MRPL43: variants seen among roughly 807,000 people sequenced by gnomAD.
MRPL43 encodes mitochondrial ribosomal protein L43, also known as large ribosomal subunit protein mL43.
MRPL43 carries 9 observed loss-of-function variants against 12.7 expected under a neutral mutation model. The observed-to-expected ratio is 0.71, with a 90% CI of 0.43 to 1.24. MRPL43 has a LOEUF of 1.24. Among genes scored for constraint, MRPL43 ranks in the 50% most tolerant of loss-of-function variants. MRPL43 has a pLI of 0.00. For synonymous variants in MRPL43, 116 were observed against 96.4 expected, an observed-to-expected ratio of 1.20 and a Z score of -1.19; for missense variants, 211 against 229.2, an observed-to-expected ratio of 0.92 and a Z score of 0.51.
downstream of MRPL43, chr10:100,980,795 C>A (rs111542775): frequency 1.2e-4 from 188 of 1,548,804 alleles, 3 homozygotes; most frequent in African/African-American, 2.1e-3. Context: ...GGGACGCTGC[C>A]GACCAACTGT....
chr10:100,980,772 A>G (rs745803670), downstream of MRPL43: 12 of 1,601,816 alleles, frequency 7.5e-6, no homozygotes, highest in Non-Finnish European at 1.0e-5. Flanking sequence ...GAGGCTGTGT[A>G]TCTGTATGAG....
chr10:100,978,152 T>C, downstream of MRPL43: 1 of 625,312 alleles, frequency 1.6e-6, no homozygotes, highest in Admixed American at 2.8e-5. Flanking sequence ...CAGGGGATGC[T>C]TAAGTTATTG....
chr10:100,979,329 GAGGTCAATGAGGATGAGAT>G, downstream of MRPL43: 1 of 1,614,038 alleles, frequency 6.2e-7, no homozygotes, highest in Non-Finnish European at 8.5e-7. Context: ...GGCTGGAGCA[GAGGTCAATGAGGATGAGAT>G]AGGATCCACT....
At position 100,987,379 on chromosome 10, in the gene MRPL43, T is replaced by A. The variant is rs746876188; in HGVS notation, c.65A>T (p.Tyr22Phe). The change falls in exon 1 of 3, where the codon TAT becomes TTT. Residue 22 changes from tyrosine (Y) to phenylalanine (F), a missense_variant. Tyr to Phe is a conservative substitution (Grantham distance 22, BLOSUM62 3). Coordinates refer to ENST00000318364, the MANE Select transcript of MRPL43 (RefSeq NM_032112.3). Reference sequence around the variant, plus strand: ...GCTCAGACGCTGCAGCTGCTGCACATAGCGACCCAGTCCGTTGTGGAGAAC... The same window carrying A: ...GCTCAGACGCTGCAGCTGCTGCACAAAGCGACCCAGTCCGTTGTGGAGAAC... ...ASVLHNGLGRYVQQLQRLSFS... is the reference protein window; with the variant it reads ...ASVLHNGLGRFVQQLQRLSFS... 6 of 1,612,576 alleles carry A rather than the reference T, an allele frequency of 3.7e-6. No homozygotes were observed. Among genetic ancestry groups the A allele is most frequent in the Non-Finnish European group, 5.1e-6 (6 of 1,179,946 alleles).
downstream of MRPL43, chr10:100,981,349 G>A: frequency 6.2e-7 from 1 of 1,602,882 alleles, no homozygotes; most frequent in East Asian, 2.2e-5. Flanking sequence ...TGGTAAGGAT[G>A]ACTCAAACAC....
chr10:100,986,622 A>C lies in MRPL43; in HGVS notation c.*112T>G. 1 of 1,613,460 alleles carries C rather than the reference A, an allele frequency of 6.2e-7. No individual in the cohort carries two copies. The highest frequency in any genetic ancestry group is 1.1e-5 in the South Asian group (1 of 91,034). ...ATTATCCCAAGCAGAACCTCTGTCAACTTGCCCATTGATGGGTTCCATTTG... is the reference window on the plus strand; with the variant it reads ...ATTATCCCAAGCAGAACCTCTGTCACCTTGCCCATTGATGGGTTCCATTTG... On this transcript the variant is annotated 3_prime_UTR_variant, in exon 3 of 3. Coordinates refer to ENST00000318364, the MANE Select transcript of MRPL43 (RefSeq NM_032112.3).
chr10:100,983,864 G>A (rs927913032), downstream of MRPL43: 2 of 1,574,694 alleles, frequency 1.3e-6, no homozygotes, highest in African/African-American at 2.7e-5. Context: ...GGGGCCTGGA[G>A]GGCAGCTGTC....
rs778923262 is a variant in MRPL43, at chr10:100,986,686, C to G, written c.*48G>C. 6.2e-7 allele frequency: 1 copy of G among 1,613,816 alleles called. No individual in the cohort carries two copies. Among genetic ancestry groups the G allele is most frequent in the South Asian group, 1.1e-5 (1 of 91,070 alleles). On this transcript the variant is annotated 3_prime_UTR_variant, in exon 3 of 3. Coordinates refer to ENST00000318364, the MANE Select transcript of MRPL43 (RefSeq NM_032112.3). ...TCCCAAAGGGGAAGAACCACCTTTA[C>G]CGGAGTAACAGTCCAAAGCCTGGGG...
At chr10:100,984,400 C>T, downstream of MRPL43, 1 of 1,457,562 alleles carries the variant, frequency 6.9e-7, no homozygotes, top group Non-Finnish European at 9.0e-7. Context: ...GACCCAGAGC[C>T]AGTTCCTATC....
chr10:100,980,696 A>G, downstream of MRPL43: 2 of 1,612,328 alleles, frequency 1.2e-6, no homozygotes, highest in South Asian at 1.1e-5. Flanking sequence ...TATTGCAGGT[A>G]GCCCTTCTCT....
downstream of MRPL43, chr10:100,985,312 G>T (rs1377821148): frequency 5.4e-5 from 9 of 167,174 alleles, no homozygotes; most frequent in Non-Finnish European, 1.2e-4. Flanking sequence ...GGGGCCAGGG[G>T]CCTCTGAAGT....
At chr10:100,981,292 A>G (rs1409145916), downstream of MRPL43, 2 of 1,598,442 alleles carry the variant, frequency 1.3e-6, no homozygotes, top group South Asian at 1.1e-5. Flanking sequence ...ATTTACTGCC[A>G]TGTGTACGTA....
chr10:100,987,000 GT>G lies in MRPL43; in HGVS notation c.239-26del. ...ACTGGCAGAAGAGGGGTGAGAGTGGGTGGAAGCTGGCCGGTGCGACCAAGCG... is the reference window on the plus strand; with the variant it reads ...ACTGGCAGAAGAGGGGTGAGAGTGGGGGAAGCTGGCCGGTGCGACCAAGCG... On this transcript the variant is annotated intron_variant, in intron 2 of 2. Coordinates refer to ENST00000318364, the MANE Select transcript of MRPL43 (RefSeq NM_032112.3). 2.5e-6 allele frequency: 4 copies of G among 1,605,248 alleles called. No individual in the cohort carries two copies. In the South Asian group the frequency reaches 4.4e-5, roughly 18 times the overall value.
chr10:100,980,122 T>G (rs775053317), downstream of MRPL43: 1 of 1,614,048 alleles, frequency 6.2e-7, no homozygotes, highest in Non-Finnish European at 8.5e-7. Flanking sequence ...CCCACGCCAG[T>G]GTATCACAGA....
downstream of MRPL43, chr10:100,984,098 G>A: frequency 1.2e-6 from 2 of 1,613,172 alleles, no homozygotes; most frequent in Non-Finnish European, 1.7e-6. Flanking sequence ...AGCACACGCA[G>A]CTCGTGGAGC....
downstream of MRPL43, chr10:100,978,875 G>A (rs528948930): frequency 2.4e-5 from 39 of 1,614,176 alleles, no homozygotes; most frequent in Non-Finnish European, 2.6e-5. Context: ...CTCCGTCCTC[G>A]TGCGGGAGAG....
At chr10:100,986,114 A>G (rs1851449875), downstream of MRPL43, among the ~76,000 whole-genome samples, 1 of 152,176 alleles carries the variant, frequency 6.6e-6, no homozygotes, top group African/African-American at 2.4e-5. Flanking sequence ...TGGTCTGAGA[A>G]TCACTCCCCT....
chr10:100,982,521 G>A (rs1009587701), downstream of MRPL43, among the ~76,000 whole-genome samples: 2 of 152,224 alleles, frequency 1.3e-5, no homozygotes, highest in African/African-American at 2.4e-5. Context: ...GGCCGGGCAC[G>A]GTGGCTCATG....
downstream of MRPL43, chr10:100,978,916 G>C (rs1037811860): frequency 6.2e-7 from 1 of 1,614,224 alleles, no homozygotes; most frequent in Non-Finnish European, 8.5e-7. Context: ...ATGATGACAA[G>C]GTGTACTACT....
Sources: gnomAD v4.1 joint callset for allele counts (sites outside exome capture counted in the v4.1 genomes callset) on GRCh38, gnomAD v4.1.1 for gene constraint, MANE v1.5 for transcripts, NCBI Gene and HGNC (gene_info 2026-07-23, HGNC 2026-07-21) for gene names.